The following GABRG1 variants were observed in gnomAD, a reference collection of about 807,000 sequenced individuals.
The protein encoded by GABRG1 is gamma-aminobutyric acid type A receptor subunit gamma1.
GABRG1 carries 49 observed loss-of-function variants against 49.8 expected under a neutral mutation model. The ratio of observed to expected loss-of-function variants is 0.98; its 90% CI spans 0.78 to 1.25. The LOEUF is 1.25. Ranked by LOEUF, GABRG1 falls within the 50% of genes most tolerant of loss-of-function variation. GABRG1 has a pLI of 0.00. For missense variants in GABRG1, 552 were observed against 552.3 expected (o/e 1.00, Z 0.01); for synonymous variants, 232 against 185.1 (o/e 1.25, Z -2.06).
intron 3 of GABRG1, among the ~76,000 whole-genome samples, chr4:46,078,005 A>AT (rs1719423816): frequency 6.6e-6 from 1 of 151,728 alleles, no homozygotes; most frequent in African/African-American, 2.4e-5. Context: ...TTTTCTCTAT[A>AT]AATGTTGAAT....
At chr4:46,076,393 A>G (rs1051605676) in intron 3 of GABRG1, among the ~76,000 whole-genome samples, 90 of 140,690 alleles carry the variant, frequency 6.4e-4, no homozygotes, top group Non-Finnish European at 1.2e-4. Context: ...ATATATATAT[A>G]TATATATATA....
intron 2 of GABRG1, among the ~76,000 whole-genome samples, chr4:46,088,025 G>A (rs1719845210): frequency 6.6e-6 from 1 of 151,996 alleles, no homozygotes; most frequent in African/African-American, 2.4e-5. Flanking sequence ...CACATTTCAA[G>A]TACAGAACAG....
intron 1 of GABRG1, among the ~76,000 whole-genome samples, chr4:46,117,176 T>C (rs1720923077): frequency 6.6e-6 from 1 of 150,598 alleles, no homozygotes. Flanking sequence ...AAACTCACTA[T>C]TTTATAATCA....
chr4:46,074,838 A>C (rs1719265564), intron 3 of GABRG1, among the ~76,000 whole-genome samples: 1 of 152,096 alleles, frequency 6.6e-6, no homozygotes, highest in Non-Finnish European at 1.5e-5. Flanking sequence ...AATACTGAAT[A>C]TATCCAAAGT....
At chr4:46,069,026 C>G (rs1203368434) in intron 3 of GABRG1, among the ~76,000 whole-genome samples, 1 of 152,070 alleles carries the variant, frequency 6.6e-6, no homozygotes, top group Non-Finnish European at 1.5e-5. Flanking sequence ...TGATTCCTAA[C>G]TTAATAAAAT....
chr4:46,080,250 A>C (rs942729037), intron 3 of GABRG1, among the ~76,000 whole-genome samples: 1 of 151,876 alleles, frequency 6.6e-6, no homozygotes, highest in Non-Finnish European at 1.5e-5. Flanking sequence ...TTATATGAGT[A>C]CTTAAGGGGG....
intron 8 of GABRG1, among the ~76,000 whole-genome samples, chr4:46,042,588 G>T (rs1202763561): frequency 6.6e-6 from 1 of 151,710 alleles, no homozygotes; most frequent in African/African-American, 2.4e-5. Flanking sequence ...TTTTGAAATA[G>T]GTCAACAAAA....
intron 1 of GABRG1, among the ~76,000 whole-genome samples, chr4:46,114,271 G>C (rs1193180689): frequency 6.6e-6 from 1 of 151,016 alleles, no homozygotes; most frequent in Non-Finnish European, 1.5e-5. Flanking sequence ...GAGTTTTAAA[G>C]AGGAGAATTG....
At chr4:46,117,623 T>TAC (rs1339684893) in intron 1 of GABRG1, among the ~76,000 whole-genome samples, 16 of 144,916 alleles carry the variant, frequency 1.1e-4, no homozygotes, top group African/African-American at 3.3e-4. Context: ...TATATATATA[T>TAC]ACACATATGT....
chr4:46,058,157 T>C, intron 7 of GABRG1, 60 bp downstream of exon 7: 2 of 1,478,180 alleles, frequency 1.4e-6, no homozygotes, highest in Non-Finnish European at 1.8e-6. Context: ...TGAACTTTTA[T>C]CACATCAAAA....
At chr4:46,082,694 T>C (rs560246118) in intron 3 of GABRG1, among the ~76,000 whole-genome samples, 1 of 151,874 alleles carries the variant, frequency 6.6e-6, no homozygotes, top group South Asian at 2.1e-4. Context: ...CATGTGCATT[T>C]GTAACTCATT....
chr4:46,121,609 A>ATGGAGAAAACAGTATATGATGCATCT (rs1298379246), intron 1 of GABRG1, among the ~76,000 whole-genome samples: 8 of 130,810 alleles, frequency 6.1e-5, no homozygotes, highest in Admixed American at 5.6e-4. Flanking sequence ...TTTCCATTCA[A>ATGGAGAAAACAGTATATGATGCATCT]TGAAGAAAAC....
At chr4:46,070,663 G>T (rs1214727716) in intron 3 of GABRG1, among the ~76,000 whole-genome samples, 1 of 152,014 alleles carries the variant, frequency 6.6e-6, no homozygotes, top group African/African-American at 2.4e-5. Flanking sequence ...AGAGAGAAAG[G>T]GAAAAGAGAG....
intron 2 of GABRG1, among the ~76,000 whole-genome samples, chr4:46,094,250 T>C (rs961784992): frequency 1.3e-5 from 2 of 151,806 alleles, no homozygotes; most frequent in Admixed American, 1.3e-4. Flanking sequence ...AGACAAAAAA[T>C]GCCCACACTT....
chr4:46,105,144 G>A (rs951732399), intron 1 of GABRG1, among the ~76,000 whole-genome samples: 2 of 151,254 alleles, frequency 1.3e-5, no homozygotes, highest in Non-Finnish European at 3.0e-5. Context: ...GAAATCCAAA[G>A]CACAAACAAA....
intron 5 of GABRG1, among the ~76,000 whole-genome samples, chr4:46,061,727 A>C (rs1287042388): frequency 3.3e-5 from 5 of 151,876 alleles, no homozygotes; most frequent in Admixed American, 2.0e-4. Flanking sequence ...TACAGTAGGA[A>C]AGTAAACCAC....
Position 46,040,889 on chromosome 4 carries a change from T to G in GABRG1, c.*99A>C. ...ATACTATTCACATTTTAACCATTGG[T>G]CTCTCTGCATTTTAAATTTAAACTT... On this transcript the variant is annotated 3_prime_UTR_variant, in exon 9 of 9. Coordinates refer to ENST00000295452, the MANE Select transcript of GABRG1 (RefSeq NM_173536.4). 8.4e-7 allele frequency: 1 copy of G among 1,195,786 alleles called. No homozygotes were observed. The highest frequency in any genetic ancestry group is 2.3e-5 in the East Asian group (1 of 42,672). 74.1% of individuals were successfully genotyped at this position (1,195,786 alleles called of 1,614,324 possible). A position where few individuals can be genotyped will look rare whatever the true frequency, so the allele number is the denominator to read the frequency against.
chr4:46,058,442 A>T (rs953963389), intron 6 of GABRG1, 43 bp downstream of exon 6: 2 of 1,600,640 alleles, frequency 1.2e-6, no homozygotes, highest in African/African-American at 1.3e-5. Context: ...TAAAAATGTC[A>T]TTTAATGCTA....
At chr4:46,096,764 G>C (rs914491804) in intron 2 of GABRG1, among the ~76,000 whole-genome samples, 6 of 151,534 alleles carry the variant, frequency 4.0e-5, no homozygotes, top group African/African-American at 1.5e-4. Flanking sequence ...TACCTTTCCA[G>C]ATATCAGGAA....
Sources: gnomAD v4.1 joint callset for allele counts (sites outside exome capture counted in the v4.1 genomes callset) on GRCh38, gnomAD v4.1.1 for gene constraint, MANE v1.5 for transcripts, NCBI Gene and HGNC (gene_info 2026-07-23, HGNC 2026-07-21) for gene names.